Variants in CYFIP2 observed in about 807,000 individuals in gnomAD.
CYFIP2 encodes the protein cytoplasmic FMR1-interacting protein 2.
A neutral mutation model predicts 158.7 loss-of-function variants in CYFIP2; 29 were observed. That is an observed-to-expected ratio of 0.18 (90% CI 0.14 to 0.25). CYFIP2 has a LOEUF of 0.25. Among genes scored for constraint, CYFIP2 ranks in the 10% least tolerant of loss-of-function variants. CYFIP2 has a pLI of 1.00. For missense variants in CYFIP2, 852 were observed against 1,639.5 expected, an observed-to-expected ratio of 0.52 and a Z score of 8.29; for synonymous variants, 585 against 617.6, an observed-to-expected ratio of 0.95 and a Z score of 0.78.
chr5:157,319,625 C>T (rs552112436), intron 13 of CYFIP2, 137 bp from the exon 14 acceptor site: 52 of 999,476 alleles, frequency 5.2e-5, no homozygotes, highest in Middle Eastern at 6.5e-4. Context: ...CCTAGCCATG[C>T]GCTGGCACTT....
chr5:157,267,946 T>C (rs947862753), intron 1 of CYFIP2, among the ~76,000 whole-genome samples: 13 of 152,222 alleles, frequency 8.5e-5, no homozygotes, highest in African/African-American at 3.1e-4. Context: ...TATGCATGCA[T>C]GTGCATGCGT....
chr5:157,351,423 T>C (rs1167454635), intron 23 of CYFIP2, among the ~76,000 whole-genome samples: 2 of 152,210 alleles, frequency 1.3e-5, no homozygotes, highest in African/African-American at 4.8e-5. Context: ...TCATTGTACA[T>C]AAATAATATT....
intron 28 of CYFIP2, among the ~76,000 whole-genome samples, chr5:157,385,777 A>G (rs1446195423): frequency 6.6e-6 from 1 of 152,140 alleles, no homozygotes; most frequent in Non-Finnish European, 1.5e-5. Context: ...TTTGAGAAGG[A>G]ATATTGTTAC....
chr5:157,295,322 C>T (rs1431979835), intron 4 of CYFIP2, among the ~76,000 whole-genome samples: 2 of 152,160 alleles, frequency 1.3e-5, no homozygotes. Context: ...CTGCCACTTG[C>T]TTTTTTCCCC....
intron 28 of CYFIP2, among the ~76,000 whole-genome samples, chr5:157,387,811 G>A (rs1004869997): frequency 3.3e-5 from 5 of 152,016 alleles, no homozygotes; most frequent in African/African-American, 1.2e-4. Context: ...TCTCCTTCGT[G>A]TTTAAAACAC....
intron 23 of CYFIP2, among the ~76,000 whole-genome samples, chr5:157,349,068 A>G (rs1762892728): frequency 6.6e-6 from 1 of 152,122 alleles, no homozygotes; most frequent in African/African-American, 2.4e-5. Context: ...GGCATTAGCC[A>G]CCGCACCTGG....
intron 21 of CYFIP2, among the ~76,000 whole-genome samples, chr5:157,337,071 C>T (rs1011600239): frequency 2.0e-5 from 3 of 152,174 alleles, no homozygotes; most frequent in African/African-American, 7.2e-5. Flanking sequence ...TAACAAGGCA[C>T]CACAGTGTGC....
chr5:157,343,362 T>G (rs779224574), intron 23 of CYFIP2: 3 of 1,614,062 alleles, frequency 1.9e-6, no homozygotes, highest in Admixed American at 1.7e-5. Context: ...ACCACGGAGC[T>G]GATCGTTCGA....
intron 23 of CYFIP2, among the ~76,000 whole-genome samples, chr5:157,354,983 C>T (rs974965554): frequency 2.0e-5 from 3 of 152,058 alleles, no homozygotes; most frequent in East Asian, 1.9e-4. Flanking sequence ...AGGAAGAATG[C>T]GTTTCAGCTT....
intron 5 of CYFIP2, among the ~76,000 whole-genome samples, chr5:157,298,246 C>T (rs978590418): frequency 1.3e-5 from 2 of 152,116 alleles, no homozygotes; most frequent in African/African-American, 4.8e-5. Context: ...TTAACATATA[C>T]CATATAATTT....
At chr5:157,359,522 T>G (rs1763653667) in intron 24 of CYFIP2, among the ~76,000 whole-genome samples, 1 of 152,208 alleles carries the variant, frequency 6.6e-6, no homozygotes, top group East Asian at 1.9e-4. Context: ...TGCTGCCATT[T>G]TCCACGCCCT....
chr5:157,322,128 A>G (rs1760642170), intron 15 of CYFIP2, among the ~76,000 whole-genome samples: 1 of 152,186 alleles, frequency 6.6e-6, no homozygotes, highest in African/African-American at 2.4e-5. Context: ...GCTAGGTGGC[A>G]CAGACATGTT....
chr5:157,352,247 G>A (rs1353393363), intron 23 of CYFIP2, among the ~76,000 whole-genome samples: 3 of 152,126 alleles, frequency 2.0e-5, no homozygotes, highest in Non-Finnish European at 2.9e-5. Context: ...GCCCCCATCT[G>A]AGGCACAGTT....
At chr5:157,341,850 C>CCAGAA (rs1257443464) in intron 23 of CYFIP2, 3 of 152,170 alleles carry the variant, frequency 2.0e-5, no homozygotes, top group African/African-American at 7.2e-5. Flanking sequence ...GGCGTCTTCT[C>CCAGAA]CAGAACAGCC....
intron 23 of CYFIP2, among the ~76,000 whole-genome samples, chr5:157,346,320 C>T (rs1762688148): frequency 6.6e-6 from 1 of 152,134 alleles, no homozygotes; most frequent in Non-Finnish European, 1.5e-5. Flanking sequence ...AATACATATC[C>T]ATCCAGAACC....
intron 23 of CYFIP2, among the ~76,000 whole-genome samples, chr5:157,348,737 A>G (rs2113296310): frequency 6.6e-6 from 1 of 151,884 alleles, no homozygotes; most frequent in South Asian, 2.1e-4. Flanking sequence ...TTGTATTTTT[A>G]GTAGATATGA....
chr5:157,369,036 T>G (rs1043864930), intron 26 of CYFIP2, among the ~76,000 whole-genome samples: 10 of 151,906 alleles, frequency 6.6e-5, no homozygotes, highest in African/African-American at 2.4e-4. Context: ...GTAGCTGGGA[T>G]CACAAGCATG....
chr5:157,341,290 C>G, intron 23 of CYFIP2, 133 bp downstream of exon 23: 1 of 779,290 alleles, frequency 1.3e-6, no homozygotes, highest in Non-Finnish European at 2.1e-6. Flanking sequence ...GTGGCTCATA[C>G]CTTTAATCCC....
intron 7 of CYFIP2, among the ~76,000 whole-genome samples, chr5:157,303,633 T>C (rs1758966840): frequency 6.6e-6 from 1 of 152,140 alleles, no homozygotes; most frequent in Admixed American, 6.6e-5. Context: ...AGAAAGCTGT[T>C]CAGTAACTGA....
Sources: allele counts gnomAD v4.1 joint callset (sites outside exome capture counted in the v4.1 genomes callset), GRCh38; gene constraint gnomAD v4.1.1; transcripts MANE v1.5; gene names NCBI Gene and HGNC (gene_info 2026-07-23, HGNC 2026-07-21).